The following KDM4B variants were observed in gnomAD, a reference collection of about 807,000 sequenced individuals.
The protein encoded by KDM4B is lysine-specific demethylase 4B.
A neutral mutation model predicts 125.2 loss-of-function variants in KDM4B; 32 were observed. The ratio of observed to expected loss-of-function variants is 0.26; its 90% confidence interval spans 0.19 to 0.34. The LOEUF is 0.34. Among genes scored for constraint, KDM4B ranks in the 10% least tolerant of loss-of-function variants. The pLI is 1.00. For synonymous variants in KDM4B, 721 were observed against 677.9 expected, an observed-to-expected ratio of 1.06 and a Z score of -0.99; for missense variants, 1,190 against 1,577.7, an observed-to-expected ratio of 0.75 and a Z score of 4.16.
Position 5,151,597 on chromosome 19 carries a change from C to A in KDM4B, c.*86C>A. 1 of 1,174,286 alleles carries A rather than the reference C, an allele frequency of 8.5e-7. No individual in the cohort carries two copies. The highest frequency in any genetic ancestry group is 1.1e-6 in the Non-Finnish European group (1 of 925,578). 72.7% of individuals were successfully genotyped at this position (1,174,286 alleles called of 1,614,324 possible). The stretch of plus-strand genomic sequence containing the variant: ...TTCGCTTGCTGTGAATTCCTGTCCT[C>A]GTGTCCCCGACCCCCGAGAGGCCAC... On this transcript the variant is annotated 3_prime_UTR_variant, in exon 23 of 23. Coordinates refer to ENST00000159111, the MANE Select transcript of KDM4B (RefSeq NM_015015.3).
intron 1 of KDM4B, among the ~76,000 whole-genome samples, chr19:4,979,739 C>G (rs2034572242): frequency 6.6e-6 from 1 of 152,210 alleles, no homozygotes; most frequent in Non-Finnish European, 1.5e-5. Flanking sequence ...TAGAAATGAT[C>G]CTGCCATTTT....
At chr19:5,150,964 C>T (rs891299426) in intron 22 of KDM4B, among the ~76,000 whole-genome samples, 1 of 152,232 alleles carries the variant, frequency 6.6e-6, no homozygotes, top group Non-Finnish European at 1.5e-5. Flanking sequence ...TTCCTTTATT[C>T]TCTTTCTAAT....
chr19:5,063,740 A>G (rs1339464570), intron 6 of KDM4B, among the ~76,000 whole-genome samples: 4 of 152,220 alleles, frequency 2.6e-5, no homozygotes, highest in Non-Finnish European at 5.9e-5. Flanking sequence ...TTTGTGGTGC[A>G]GTTTCCATAG....
In KDM4B at chr19:5,114,297, G is replaced by T. The variant is rs190698951; in HGVS notation, c.1115+3479G>T. ...TGGCCCACTGCTGCTCTGTGAGCCC[G>T]GCTGGGCCCAGGCCTCGTCTCCCCT... is the stretch of plus-strand genomic sequence containing the variant. On this transcript the variant is annotated intron_variant, in intron 10 of 22. Transcript: ENST00000159111. The surrounding 1 kb of genome is among the most constrained non-coding windows in gnomAD (Gnocchi z 5.8). The T allele has an allele frequency of 1.0e-4, 125 of 1,206,284 alleles. No individual in the cohort carries two copies. In the African/African-American group the frequency reaches 1.5e-3, roughly 15 times the overall value. The allele number at this position is 1,206,284 out of a possible 1,614,324, so 74.7% of individuals were successfully genotyped here.
intron 10 of KDM4B, chr19:5,119,219 CGTAA>C (rs1233141110): frequency 1.0e-5 from 16 of 1,526,904 alleles, no homozygotes; most frequent in African/African-American, 1.4e-5. Flanking sequence ...CCGGGGCTGT[CGTAA>C]GTGTCTTTTT....
intron 1 of KDM4B, among the ~76,000 whole-genome samples, chr19:5,006,173 T>G (rs569422242): frequency 1.1e-3 from 167 of 152,164 alleles, no homozygotes; most frequent in Non-Finnish European, 2.0e-3. Flanking sequence ...CCTGCCCTCT[T>G]CATGCCTGGC....
At chr19:5,025,251 A>T (rs897061126) in intron 2 of KDM4B, among the ~76,000 whole-genome samples, 2 of 152,108 alleles carry the variant, frequency 1.3e-5, no homozygotes, top group Non-Finnish European at 2.9e-5. Flanking sequence ...GGAGGCCGAG[A>T]TGAGGGGATC....
At chr19:5,028,999 C>T (rs559326295) in intron 2 of KDM4B, among the ~76,000 whole-genome samples, 80 of 152,334 alleles carry the variant, frequency 5.3e-4, no homozygotes, top group Admixed American at 2.6e-4. Flanking sequence ...CAACCTCTGC[C>T]TTCCCAGCTC....
At chr19:4,995,382 G>T (rs745515244) in intron 1 of KDM4B, among the ~76,000 whole-genome samples, 1 of 151,970 alleles carries the variant, frequency 6.6e-6, no homozygotes, top group Non-Finnish European at 1.5e-5. Flanking sequence ...GGGTTCAAGC[G>T]ATTCTCCTGC....
intron 6 of KDM4B, among the ~76,000 whole-genome samples, chr19:5,061,027 G>A (rs980898423): frequency 6.6e-6 from 1 of 152,246 alleles, no homozygotes; most frequent in Non-Finnish European, 1.5e-5. Flanking sequence ...GGCTGGCGGT[G>A]TATGAAGTTC....
intron 9 of KDM4B, among the ~76,000 whole-genome samples, chr19:5,084,086 A>C (rs2038390955): frequency 6.6e-6 from 1 of 151,898 alleles, no homozygotes; most frequent in African/African-American, 2.4e-5. Flanking sequence ...GTCTCTACTA[A>C]AAACACAAAA....
chr19:5,014,493 G>C (rs2035829822), intron 1 of KDM4B, among the ~76,000 whole-genome samples: 1 of 151,922 alleles, frequency 6.6e-6, no homozygotes, highest in Non-Finnish European at 1.5e-5. Context: ...AGCCAGGATG[G>C]TCCGATCTCC....
chr19:5,144,219 C>T (rs781141028), intron 19 of KDM4B, 29 bp from the exon 20 acceptor site: 29 of 1,587,420 alleles, frequency 1.8e-5, no homozygotes, highest in Admixed American at 1.2e-4. Flanking sequence ...CCGCGCTGAC[C>T]GCCCCCCACA....
At chr19:5,021,258 T>C (rs1294762630) in intron 2 of KDM4B, among the ~76,000 whole-genome samples, 2 of 152,148 alleles carry the variant, frequency 1.3e-5, no homozygotes, top group African/African-American at 4.8e-5. Flanking sequence ...GGGAGTGTCA[T>C]GACCAGGAGG....
chr19:5,138,105 G>A lies in KDM4B; in HGVS notation c.2550+35G>A, dbSNP rs752250718. ...TGCGGTCGAGGCCCACCCTGCCCGT[G>A]CCTCTAGGGCTGCCGGCCATGCTCG... On this transcript the variant is annotated intron_variant, in intron 18 of 22. Transcript: ENST00000159111. 5.4e-5 allele frequency: 83 copies of A among 1,527,796 alleles called. 2 individuals are homozygous for A. The South Asian group carries it at 9.1e-4, about 17-fold the overall frequency. The allele number at this position is 1,527,796 out of a possible 1,614,324, so 94.6% of individuals were successfully genotyped here. A position where few individuals can be genotyped will look rare whatever the true frequency, so the allele number is the denominator to read the frequency against.
At chr19:5,011,267 C>T (rs567751555) in intron 1 of KDM4B, among the ~76,000 whole-genome samples, 93 of 152,332 alleles carry the variant, frequency 6.1e-4, no homozygotes, top group South Asian at 4.6e-3. Context: ...GCTGGCCGTG[C>T]TCGATGCTGT....
At chr19:5,008,200 G>A (rs572893964) in intron 1 of KDM4B, among the ~76,000 whole-genome samples, 1 of 152,230 alleles carries the variant, frequency 6.6e-6, no homozygotes, top group South Asian at 2.1e-4. Context: ...TATGGTGTGA[G>A]GTAAGGGTCC....
chr19:4,969,726 G>A (rs2145257767), intron 1 of KDM4B, among the ~76,000 whole-genome samples: 1 of 151,932 alleles, frequency 6.6e-6, no homozygotes, highest in South Asian at 2.1e-4. Context: ...GGGGGGCTAA[G>A]GGGAAGCCCC....
intron 7 of KDM4B, among the ~76,000 whole-genome samples, chr19:5,071,967 A>T (rs2037963074): frequency 6.6e-6 from 1 of 152,142 alleles, no homozygotes; most frequent in African/African-American, 2.4e-5. Context: ...GTGAGGGGTG[A>T]GGGTCAGTGA....
Sources: allele counts gnomAD v4.1 joint callset (sites outside exome capture counted in the v4.1 genomes callset), GRCh38; gene constraint gnomAD v4.1.1; non-coding constraint Gnocchi (gnomAD v3.1); transcripts MANE v1.5; gene names NCBI Gene and HGNC (gene_info 2026-07-23, HGNC 2026-07-21).